Variants in MAP3K14 observed in about 807,000 individuals in gnomAD.
MAP3K14 encodes NF-kappa-beta-inducing kinase.
Under a neutral mutation model 99.2 loss-of-function variants are expected in MAP3K14, and 16 were observed. That is an observed-to-expected ratio of 0.16 (90% CI 0.11 to 0.24). The LOEUF (loss-of-function observed/expected upper bound fraction) is 0.24, where lower values mean the gene tolerates loss of function less well. Ranked by LOEUF, MAP3K14 falls within the 10% of genes least tolerant of loss-of-function variation. The probability of loss-of-function intolerance (pLI) is 1.00; values close to 1 mark genes in which losing one functional copy is unlikely to be tolerated. For missense variants in MAP3K14, 784 were observed against 1,208.7 expected, an observed-to-expected ratio of 0.65 and a Z score of 5.21; for synonymous variants, 462 against 492.4, an observed-to-expected ratio of 0.94 and a Z score of 0.82.
At chr17:45,276,686 T>C (rs769640509) in intron 6 of MAP3K14, among the ~76,000 whole-genome samples, 21 of 150,960 alleles carry the variant, frequency 1.4e-4, no homozygotes, top group Middle Eastern at 3.5e-3. Flanking sequence ...TAATTTTTCA[T>C]ATTTTTAGTA....
At position 45,297,643 on chromosome 17, in the gene MAP3K14, T is replaced by C. The variant is rs1311987627; in HGVS notation, c.-20-6878A>G. Among the ~76,000 whole-genome samples the C allele has an allele frequency of 2.6e-5, 4 of 151,524 alleles. No individual in the cohort carries two copies. The East Asian group carries it at 5.8e-4, about 22-fold the overall frequency. On this transcript the variant is annotated intron_variant, in intron 1 of 15. Transcript: ENST00000344686. ...AAAAGTAAATAGGAAAAAGAAACAA[T>C]GGTAGGCACAGGAACTCAAACAATA... is the stretch of plus-strand genomic sequence containing the variant.
At position 45,303,817 on chromosome 17, in the gene MAP3K14, C is replaced by T. The variant is rs573327257; in HGVS notation, c.-20-13052G>A. On this transcript the variant is annotated intron_variant, in intron 1 of 15. Transcript: ENST00000344686. The stretch of plus-strand genomic sequence containing the variant: ...TAGGATGGTCTTGATCTCCTGACCT[C>T]GTGATCCAGCCGCCTCGGCCTCCCA... Among the ~76,000 whole-genome samples the T allele has an allele frequency of 8.7e-4, 131 of 150,892 alleles. 3 individuals are homozygous for T. Among genetic ancestry groups the T allele is most frequent in the African/African-American group, 2.9e-3 (118 of 41,058 alleles).
intron 1 of MAP3K14, 134 bp from the exon 2 acceptor site, chr17:45,290,899 T>A: frequency 1.3e-6 from 1 of 765,514 alleles, no homozygotes; most frequent in Non-Finnish European, 2.1e-6. Flanking sequence ...CCACACATAC[T>A]CATCCTCCAA....
intron 9 of MAP3K14, among the ~76,000 whole-genome samples, chr17:45,271,598 G>A (rs980170103): frequency 5.3e-5 from 8 of 152,084 alleles, no homozygotes; most frequent in African/African-American, 7.2e-5. Context: ...CACCCACCTC[G>A]GCCTCCCAAA....
rs748906729 is a variant in MAP3K14 at position 45,286,751 on chromosome 17, G to A, written c.832C>T (p.His278Tyr). The A allele has an allele frequency of 1.2e-6, 2 of 1,611,940 alleles. No individual in the cohort carries two copies. Among genetic ancestry groups the A allele is most frequent in the South Asian group, 2.2e-5 (2 of 90,640 alleles). The change falls in exon 5 of 16, where the codon CAC (histidine) becomes TAC (tyrosine). Residue 278 changes from histidine (H) to tyrosine (Y), a missense_variant. Coordinates refer to ENST00000344686, the MANE Select transcript of MAP3K14 (RefSeq NM_003954.5). The surrounding 1 kb of genome is among the most constrained non-coding windows in gnomAD (Gnocchi z 4.1). ...TTGCCCAGGAAGGACTCCAGAGGGT[G>A]AGGTTTCCAGGGCTGGAGAGGGTGG... ...PFHPLQPWKP[H>Y]PLESFLGKLA...
intron 6 of MAP3K14, among the ~76,000 whole-genome samples, chr17:45,284,402 A>G (rs2044247611): frequency 2.6e-5 from 4 of 152,198 alleles, no homozygotes; most frequent in Admixed American, 2.6e-4. Context: ...TCCTCCTAGA[A>G]GCACCCCACA....
At chr17:45,300,314 T>C (rs1465568604) in intron 1 of MAP3K14, among the ~76,000 whole-genome samples, 2 of 152,164 alleles carry the variant, frequency 1.3e-5, no homozygotes, top group African/African-American at 4.8e-5. Context: ...ACTTCCAGCT[T>C]CTCTCTGACC....
rs753550438 is a variant in MAP3K14 at position 45,286,940 on chromosome 17, C to T, written c.643G>A (p.Glu215Lys). 54 of 1,613,894 alleles carry T rather than the reference C, an allele frequency of 3.3e-5. No homozygotes were observed. The highest frequency in any genetic ancestry group is 1.3e-4 in the South Asian group (12 of 91,082). Residue 215 changes from glutamate to lysine, a missense_variant, in exon 5 of 16, where the codon GAG (glutamate) becomes AAG (lysine). By Grantham distance (56) the Glu-to-Lys change is moderately conservative (BLOSUM62 1). Around this residue, in one of 5 missense-constraint regions of MAP3K14, gnomAD observed 188 missense variants for 313.0 expected, o/e 0.60. Transcript: ENST00000344686. This position sits in a 1 kb window ranked among gnomAD's most constrained non-coding sequence, Gnocchi z 4.1. ...CGAGGCAGAGCCGGCCGTAGGCCCT[C>T]GCCAAGCTGCTTAAAACAGAGTTGC... ...LGQLCFKQLG[E>K]GLRPALPRSE... is the part of the protein sequence containing the mutation.
chr17:45,279,287 G>A (rs954483910), intron 6 of MAP3K14, among the ~76,000 whole-genome samples: 3 of 151,534 alleles, frequency 2.0e-5, no homozygotes, highest in Admixed American at 1.3e-4. Flanking sequence ...GCGCCACCAC[G>A]CCCGGCTTTT....
rs761973617 is a variant in MAP3K14, at chr17:45,265,186, T to C, written c.2656A>G (p.Ile886Val). 2 of 1,613,860 alleles carry C rather than the reference T, an allele frequency of 1.2e-6. No individual in the cohort carries two copies. Among genetic ancestry groups the C allele is most frequent in the East Asian group, 4.5e-5 (2 of 44,880 alleles). The change falls in exon 15 of 16, where the codon ATC becomes GTC. Residue 886 changes from isoleucine (I) to valine (V), a missense_variant. This residue lies in a region of MAP3K14 where 130 missense variants were observed against 220.4 expected (regional missense o/e 0.59). Transcript: ENST00000344686. ...ACCTGGCTGCTGATGCCAGTGGCGA[T>C]GTCTCCCACTTTGACCCGGTGGAAC... ...REFHRVKVGD[I>V]ATGISSQIPA...
chr17:45,282,703 C>T (rs2044232929), intron 6 of MAP3K14, among the ~76,000 whole-genome samples: 1 of 152,194 alleles, frequency 6.6e-6, no homozygotes, highest in Non-Finnish European at 1.5e-5. Context: ...ACACCTTACA[C>T]ACTGGATTCT....
At chr17:45,268,822 C>T (rs1166165180) in intron 11 of MAP3K14, among the ~76,000 whole-genome samples, 2 of 152,078 alleles carry the variant, frequency 1.3e-5, no homozygotes, top group Non-Finnish European at 2.9e-5. Flanking sequence ...TGCTGGCATT[C>T]GTTTGTCAGT....
intron 13 of MAP3K14, 32 bp from the exon 14 acceptor site, chr17:45,266,713 GC>G: frequency 6.3e-7 from 1 of 1,586,278 alleles, no homozygotes. Flanking sequence ...CGGGCTCAGG[GC>G]CCTGGGCTCC....
At position 45,284,935 on chromosome 17, in the gene MAP3K14, C is replaced by T; in HGVS notation, c.1167G>A (p.Val389=). Residue 389 remains valine (V), a synonymous_variant, in exon 6 of 16, where the codon GTG becomes GTA. Transcript: ENST00000344686. ...GVLLTEKLKP[V]DYEYREEVHW... ...GGACTTCTTCTCGGTACTCATAATCCACTGGCTTGAGTTTCTGGGGTTGGC... is the reference window on the plus strand; with the variant it reads ...GGACTTCTTCTCGGTACTCATAATCTACTGGCTTGAGTTTCTGGGGTTGGC... The T allele has an allele frequency of 1.3e-6, 2 of 1,552,652 alleles. No individual in the cohort carries two copies. Among genetic ancestry groups the T allele is most frequent in the Non-Finnish European group, 1.7e-6 (2 of 1,147,530 alleles).
chr17:45,275,855 G>A (rs1351784877), intron 6 of MAP3K14, among the ~76,000 whole-genome samples: 4 of 150,128 alleles, frequency 2.7e-5, no homozygotes, highest in East Asian at 2.0e-4. Context: ...TCTGCCTCCC[G>A]GGTTCAAGCA....
chr17:45,271,109 G>A lies in MAP3K14; in HGVS notation c.1770C>T (p.Leu590=), dbSNP rs2044139641. The A allele has an allele frequency of 1.2e-6, 2 of 1,613,084 alleles. No individual in the cohort carries two copies. Among genetic ancestry groups the A allele is most frequent in the Non-Finnish European group, 1.7e-6 (2 of 1,179,750 alleles). Residue 590 remains leucine, a synonymous_variant, in exon 10 of 16, where the codon CTC becomes CTT. Transcript: ENST00000344686. ...WSSCCMMLHM[L]NGCHPWTQFF... ...ACTGAGTCCAGGGGTGGCAGCCGTT[G>A]AGCATGTGCAGCATCATACAGCAGC...
In MAP3K14 at chr17:45,274,244, C is replaced by A. The variant is rs1338350115; in HGVS notation, c.1431G>T (p.Leu477=). The A allele has an allele frequency of 6.2e-7, 1 of 1,600,022 alleles. No homozygotes were observed. Among genetic ancestry groups the A allele is most frequent in the Non-Finnish European group, 8.5e-7 (1 of 1,173,326 alleles). The change falls in exon 8 of 16, where the codon CTG becomes CTT. Residue 477 remains leucine (L), a synonymous_variant. Transcript: ENST00000344686. ...IFMELLEGGS[L]GQLVKEQGCL... is the part of the protein sequence containing the mutation. ...AGCCCTGCTCCTTGACCAGCTGGCC[C>A]AGGGAGCCACCTAGGAGACCAAAGG... is the stretch of plus-strand genomic sequence containing the variant.
chr17:45,295,870 T>G (rs567395247), intron 1 of MAP3K14, among the ~76,000 whole-genome samples: 1 of 152,342 alleles, frequency 6.6e-6, no homozygotes, highest in African/African-American at 2.4e-5. Context: ...AAGCCATCAC[T>G]GAGAAGATGG....
At chr17:45,270,939 T>C in intron 10 of MAP3K14, 119 bp downstream of exon 10, 1 of 1,358,248 alleles carries the variant, frequency 7.4e-7, no homozygotes, top group Non-Finnish European at 1.0e-6. Flanking sequence ...GGATCCCACA[T>C]GGATGACCAG....
Sources: gnomAD v4.1 joint callset for allele counts (sites outside exome capture counted in the v4.1 genomes callset) on GRCh38, gnomAD v4.1.1 for gene constraint, gnomAD v4.1.1 regional missense constraint, Gnocchi (gnomAD v3.1) non-coding constraint, MANE v1.5 for transcripts, NCBI Gene and HGNC (gene_info 2026-07-23, HGNC 2026-07-21) for gene names.